PARD3: variants seen among roughly 807,000 people sequenced by gnomAD.
PARD3 encodes the protein partitioning defective 3 homolog.
Under a neutral mutation model 155.4 loss-of-function variants are expected in PARD3, and 75 were observed. The ratio of observed to expected loss-of-function variants is 0.48; its 90% CI spans 0.40 to 0.58. The LOEUF (loss-of-function observed/expected upper bound fraction) is 0.58, where lower values mean the gene tolerates loss of function less well. Among genes scored for constraint, PARD3 ranks in the 20% least tolerant of loss-of-function variants. The pLI, the probability that PARD3 is intolerant of heterozygous loss-of-function variation, is 0.00. For synonymous variants in PARD3, 576 were observed against 610.5 expected (o/e 0.94, Z 0.83); for missense variants, 1,642 against 1,721.7 (o/e 0.95, Z 0.82).
chr10:34,543,627 A>G (rs751367265), intron 2 of PARD3, among the ~76,000 whole-genome samples: 6 of 152,250 alleles, frequency 3.9e-5, no homozygotes, highest in Non-Finnish European at 8.8e-5. Context: ...AGAAGAACAA[A>G]CTACAAAGTC....
chr10:34,233,943 G>A (rs1391545539), intron 22 of PARD3, among the ~76,000 whole-genome samples: 2 of 152,094 alleles, frequency 1.3e-5, no homozygotes, highest in African/African-American at 4.8e-5. Context: ...ATTATCTCCA[G>A]TTACCCTGTG....
At chr10:34,540,711 G>A (rs1462407430) in intron 2 of PARD3, among the ~76,000 whole-genome samples, 2 of 152,182 alleles carry the variant, frequency 1.3e-5, no homozygotes, top group Non-Finnish European at 2.9e-5. Context: ...AGCCTGGGAA[G>A]CTCGAGGCTA....
intron 20 of PARD3, among the ~76,000 whole-genome samples, chr10:34,305,821 T>TA (rs930661672): frequency 5.9e-5 from 9 of 151,946 alleles, no homozygotes; most frequent in African/African-American, 2.2e-4. Context: ...TTACAAAAAG[T>TA]AAAAAATTTA....
chr10:34,457,256 CG>C (rs2077386576), intron 4 of PARD3, among the ~76,000 whole-genome samples: 1 of 152,140 alleles, frequency 6.6e-6, no homozygotes, highest in African/African-American at 2.4e-5. Context: ...AAAACGGGCG[CG>C]GATTTCTCTG....
intron 2 of PARD3, among the ~76,000 whole-genome samples, chr10:34,695,189 G>C (rs2094143203): frequency 6.6e-6 from 1 of 152,174 alleles, no homozygotes; most frequent in African/African-American, 2.4e-5. Context: ...CAAAAGGAGT[G>C]GCCAGGGCCG....
chr10:34,800,791 G>A (rs1842775663), intron 1 of PARD3, among the ~76,000 whole-genome samples: 1 of 151,424 alleles, frequency 6.6e-6, no homozygotes, highest in Non-Finnish European at 1.5e-5. Flanking sequence ...CTAATAGGCA[G>A]ATAAATAATG....
chr10:34,189,101 G>GCTT (rs1950602221), intron 22 of PARD3, among the ~76,000 whole-genome samples: 2 of 152,202 alleles, frequency 1.3e-5, no homozygotes, highest in East Asian at 3.8e-4. Flanking sequence ...GGAGGCTGAG[G>GCTT]TGGGAGGGTT....
At chr10:34,156,130 G>C (rs570247749) in intron 22 of PARD3, among the ~76,000 whole-genome samples, 1 of 152,228 alleles carries the variant, frequency 6.6e-6, no homozygotes, top group African/African-American at 2.4e-5. Flanking sequence ...TGTTTTTAGA[G>C]ACAGAATCTA....
intron 5 of PARD3, among the ~76,000 whole-genome samples, chr10:34,448,148 T>G (rs1043663936): frequency 6.6e-6 from 1 of 151,528 alleles, no homozygotes; most frequent in Non-Finnish European, 1.5e-5. Flanking sequence ...TGTGTGTGTG[T>G]GTGTGTGTGT....
chr10:34,603,110 A>T (rs2089932941), intron 2 of PARD3, among the ~76,000 whole-genome samples: 1 of 152,248 alleles, frequency 6.6e-6, no homozygotes, highest in Non-Finnish European at 1.5e-5. Context: ...AGCAGTGGAC[A>T]GCTGTCAAAA....
chr10:34,714,865 C>G (rs2094496590), intron 1 of PARD3, among the ~76,000 whole-genome samples: 1 of 151,392 alleles, frequency 6.6e-6, no homozygotes, highest in Non-Finnish European at 1.5e-5. Context: ...ACCTCCGCCT[C>G]CCGAGTTCAA....
chr10:34,397,727 G>A (rs1159290521), intron 7 of PARD3, among the ~76,000 whole-genome samples: 2 of 152,098 alleles, frequency 1.3e-5, no homozygotes, highest in East Asian at 1.9e-4. Context: ...CACAATAAAC[G>A]ACAGAAAATA....
chr10:34,737,794 G>A (rs1234067244), intron 1 of PARD3, among the ~76,000 whole-genome samples: 1 of 152,086 alleles, frequency 6.6e-6, no homozygotes, highest in East Asian at 1.9e-4. Context: ...CCAACTTCAG[G>A]TATTTTCTTA....
intron 22 of PARD3, among the ~76,000 whole-genome samples, chr10:34,186,337 G>C (rs1208093330): frequency 2.0e-5 from 3 of 148,836 alleles, no homozygotes; most frequent in Non-Finnish European, 4.4e-5. Context: ...TCCAGCCTGG[G>C]TGACAGAATG....
chr10:34,634,669 A>G (rs781201420), intron 2 of PARD3, among the ~76,000 whole-genome samples: 9 of 152,100 alleles, frequency 5.9e-5, no homozygotes, highest in Non-Finnish European at 1.3e-4. Context: ...AAACAACTGA[A>G]AACAAAAGTA....
intron 7 of PARD3, among the ~76,000 whole-genome samples, chr10:34,397,063 T>C (rs142420773): frequency 6.6e-6 from 1 of 152,322 alleles, no homozygotes; most frequent in African/African-American, 2.4e-5. Context: ...AGGAAGAACA[T>C]ATTCCGTTCA....
chr10:34,682,059 T>C lies in PARD3; in HGVS notation c.222+14259A>G, dbSNP rs377286070. On this transcript the variant is annotated intron_variant, in intron 2 of 24. Transcript: ENST00000374788. ...GGCTAGATGAAAGAAAAGGATGCTG[T>C]TACAGAAATGCAACTGCAGTGTCAT... 1.2e-4 allele frequency among the ~76,000 whole-genome samples: 19 copies of C among 152,042 alleles called. No homozygotes were observed. In the South Asian group the frequency reaches 4.0e-3, roughly 32 times the overall value.
intron 24 of PARD3, among the ~76,000 whole-genome samples, chr10:34,115,382 C>G (rs1217193995): frequency 6.6e-6 from 1 of 152,112 alleles, no homozygotes; most frequent in Non-Finnish European, 1.5e-5. Flanking sequence ...GTGCCTGTGA[C>G]TACGCACGCC....
At chr10:34,361,794 C>A (rs1839466581) in intron 12 of PARD3, among the ~76,000 whole-genome samples, 1 of 151,432 alleles carries the variant, frequency 6.6e-6, no homozygotes, top group African/African-American at 2.4e-5. Flanking sequence ...TTTTTAAAGA[C>A]AAGTAACACT....
Sources: gnomAD v4.1 joint callset for allele counts (sites outside exome capture counted in the v4.1 genomes callset) on GRCh38, gnomAD v4.1.1 for gene constraint, MANE v1.5 for transcripts, NCBI Gene and HGNC (gene_info 2026-07-23, HGNC 2026-07-21) for gene names.